The following NPFFR2 variants were observed in gnomAD, a reference collection of about 807,000 sequenced individuals.
NPFFR2 encodes the protein neuropeptide FF receptor 2, also known as G-protein coupled receptor 74.
A neutral mutation model predicts 13.1 loss-of-function variants in NPFFR2; 15 were observed. That is an observed-to-expected ratio of 1.15 (90% CI 0.77 to 1.76). The LOEUF (loss-of-function observed/expected upper bound fraction) is 1.76. Ranked by LOEUF, NPFFR2 falls within the 40% of genes most tolerant of loss-of-function variation. The pLI, the probability that NPFFR2 is intolerant of heterozygous loss-of-function variation, is 0.00. For missense variants in NPFFR2, 572 were observed against 503.5 expected (o/e 1.14, Z -1.30); for synonymous variants, 190 against 175.7 (o/e 1.08, Z -0.65).
At position 72,147,053 on chromosome 4, in the gene NPFFR2, G is replaced by A. The variant is rs949641976; in HGVS notation, c.504G>A (p.Trp168Ter). 6.2e-7 allele frequency: 1 copy of A among 1,614,004 alleles called. No individual in the cohort carries two copies. Among genetic ancestry groups the A allele is most frequent in the Non-Finnish European group, 8.5e-7 (1 of 1,180,008 alleles). ...KTAFVIIMIIWVLAITIMSPS... is the reference protein window; with the variant it reads ...KTAFVIIMII ...CGTTTGTCATTATTATGATCATCTG[G>A]GTCCTAGCCATCACCATTATGTCTC... The change falls in exon 4 of 4, where the codon TGG becomes TGA. Residue 168 changes from tryptophan to a stop codon, truncating the protein, a stop_gained. Coordinates refer to ENST00000308744, the MANE Select transcript of NPFFR2 (RefSeq NM_004885.3). LOFTEE classifies it low-confidence loss of function (END_TRUNC).
At chr4:72,073,710 G>T (rs1720335585) in intron 1 of NPFFR2, among the ~76,000 whole-genome samples, 1 of 151,928 alleles carries the variant, frequency 6.6e-6, no homozygotes, top group Non-Finnish European at 1.5e-5. Flanking sequence ...AATGTGTAAA[G>T]ATATAATTTT....
intron 1 of NPFFR2, among the ~76,000 whole-genome samples, chr4:72,114,217 A>T (rs369023993): frequency 6.6e-6 from 1 of 152,078 alleles, no homozygotes; most frequent in Non-Finnish European, 1.5e-5. Context: ...AACTGAATAT[A>T]TGCTTGTAAC....
intron 1 of NPFFR2, among the ~76,000 whole-genome samples, chr4:72,084,697 T>C (rs62320803): frequency 1.0e-3 from 154 of 152,282 alleles, no homozygotes; most frequent in Non-Finnish European, 1.7e-3. Flanking sequence ...TCTCAGCGTT[T>C]GTGCTTCAGT....
chr4:72,079,959 C>T (rs935269191), intron 1 of NPFFR2, among the ~76,000 whole-genome samples: 6 of 152,072 alleles, frequency 3.9e-5, no homozygotes, highest in Admixed American at 6.6e-5. Context: ...CCAACTTCCC[C>T]TCTTCCCTTC....
chr4:72,090,109 G>T (rs1355289342), intron 1 of NPFFR2, among the ~76,000 whole-genome samples: 1 of 152,030 alleles, frequency 6.6e-6, no homozygotes, highest in East Asian at 1.9e-4. Context: ...GTTTTTGTTT[G>T]CTTTGTCGAA....
chr4:72,147,410 G>A lies in NPFFR2; in HGVS notation c.861G>A (p.Trp287Ter). 4 of 1,614,050 alleles carry A rather than the reference G, an allele frequency of 2.5e-6. No individual in the cohort carries two copies. Among genetic ancestry groups the A allele is most frequent in the Non-Finnish European group, 1.7e-6 (2 of 1,180,028 alleles). ...LIVALLFILS[W>*]LPLWTLMMLS... ...TGGCCCTGCTTTTTATTCTCTCATG[G>A]CTGCCCCTGTGGACTCTAATGATGC... Residue 287 changes from tryptophan to a stop codon, truncating the protein, a stop_gained, in exon 4 of 4, where the codon TGG becomes TGA. Coordinates refer to ENST00000308744, the MANE Select transcript of NPFFR2 (RefSeq NM_004885.3). LOFTEE classifies it low-confidence loss of function (END_TRUNC).
intron 1 of NPFFR2, among the ~76,000 whole-genome samples, chr4:72,121,178 A>G (rs950678781): frequency 2.0e-5 from 3 of 152,076 alleles, no homozygotes; most frequent in Non-Finnish European, 4.4e-5. Context: ...TAATGAAATA[A>G]AGCGTGAAGA....
chr4:72,136,862 A>G (rs1194542582), intron 2 of NPFFR2, among the ~76,000 whole-genome samples: 1 of 152,136 alleles, frequency 6.6e-6, no homozygotes, highest in Non-Finnish European at 1.5e-5. Context: ...TCCACCAATC[A>G]TGTTGTTTTC....
chr4:72,080,527 G>T (rs1183452628), intron 1 of NPFFR2, among the ~76,000 whole-genome samples: 2 of 152,016 alleles, frequency 1.3e-5, no homozygotes, highest in African/African-American at 4.8e-5. Flanking sequence ...ATATTTCCAT[G>T]TTTCATGGAC....
intron 1 of NPFFR2, among the ~76,000 whole-genome samples, chr4:72,126,430 A>T (rs1427576889): frequency 6.6e-6 from 1 of 152,208 alleles, no homozygotes; most frequent in Non-Finnish European, 1.5e-5. Context: ...CTTCTGTTCA[A>T]TTAATTAACA....
At chr4:72,144,264 G>T (rs1361592254) in intron 3 of NPFFR2, among the ~76,000 whole-genome samples, 1 of 152,074 alleles carries the variant, frequency 6.6e-6, no homozygotes, top group Non-Finnish European at 1.5e-5. Flanking sequence ...GCTACTTGAA[G>T]GTACCTGGAC....
rs186458479 is a variant in NPFFR2, at chr4:72,051,641, A to G, written c.-8+19441A>G. Reference sequence around the variant, plus strand: ...CTAGCAGAAGGCAAGAAATAACTAAAATCAGAGCAGAACTGAAGGAAATAG... The same window carrying G: ...CTAGCAGAAGGCAAGAAATAACTAAGATCAGAGCAGAACTGAAGGAAATAG... On this transcript the variant is annotated intron_variant, in intron 1 of 3. Transcript: ENST00000308744. Among the ~76,000 whole-genome samples, 897 of 151,700 alleles carry G rather than the reference A, an allele frequency of 5.9e-3. 6 individuals are homozygous for G. The highest frequency in any genetic ancestry group is 0.02 in the African/African-American group (835 of 41,368).
chr4:72,089,104 A>C (rs2109800025), intron 1 of NPFFR2, among the ~76,000 whole-genome samples: 1 of 152,256 alleles, frequency 6.6e-6, no homozygotes, highest in African/African-American at 2.4e-5. Flanking sequence ...TTTCTGAGTT[A>C]CTTCACTTAA....
intron 1 of NPFFR2, among the ~76,000 whole-genome samples, chr4:72,081,299 C>G (rs191542945): frequency 1.7e-3 from 259 of 152,250 alleles, no homozygotes; most frequent in Non-Finnish European, 2.7e-3. Flanking sequence ...GTGACAGAAG[C>G]CTTCGGGCCT....
chr4:72,076,381 A>C (rs973008250), intron 1 of NPFFR2, among the ~76,000 whole-genome samples: 1 of 152,118 alleles, frequency 6.6e-6, no homozygotes, highest in South Asian at 2.1e-4. Flanking sequence ...ATATTCTAAC[A>C]AAAGTTGATT....
chr4:72,059,282 A>G (rs911888013), intron 1 of NPFFR2, among the ~76,000 whole-genome samples: 2 of 152,112 alleles, frequency 1.3e-5, no homozygotes, highest in East Asian at 1.9e-4. Flanking sequence ...AAGAAAAGAT[A>G]TAGTTTCACA....
intron 1 of NPFFR2, among the ~76,000 whole-genome samples, chr4:72,079,825 C>A (rs571541468): frequency 6.6e-5 from 10 of 152,288 alleles, no homozygotes; most frequent in African/African-American, 2.2e-4. Context: ...CTGGGCCCTG[C>A]AACCCTGTAG....
chr4:72,069,025 TA>T, intron 1 of NPFFR2: 1 of 1,012,600 alleles, frequency 9.9e-7, no homozygotes, highest in South Asian at 2.0e-5. Context: ...GACTGCTATG[TA>T]AGTATTCTAA....
chr4:72,134,039 C>T (rs932353368), intron 2 of NPFFR2, among the ~76,000 whole-genome samples: 14 of 152,104 alleles, frequency 9.2e-5, no homozygotes, highest in Non-Finnish European at 2.1e-4. Flanking sequence ...CCAAGGCAGA[C>T]AGATCACTTG....
Sources: allele counts gnomAD v4.1 joint callset (sites outside exome capture counted in the v4.1 genomes callset), GRCh38; gene constraint gnomAD v4.1.1; transcripts MANE v1.5; gene names NCBI Gene and HGNC (gene_info 2026-07-23, HGNC 2026-07-21).